Variants in XPOT observed in about 807,000 individuals in gnomAD.
The protein encoded by XPOT is exportin for tRNA.
XPOT carries 34 observed loss-of-function variants against 128.2 expected under a neutral mutation model. The ratio of observed to expected loss-of-function variants is 0.27; its 90% CI spans 0.20 to 0.35. The LOEUF is 0.35. XPOT is among the 10% of genes least tolerant of loss of function. The probability of loss-of-function intolerance (pLI) is 1.00; values close to 1 mark genes in which losing one functional copy is unlikely to be tolerated. For missense variants in XPOT, 838 were observed against 1,125.3 expected, an observed-to-expected ratio of 0.74 and a Z score of 3.65; for synonymous variants, 348 against 394.3, an observed-to-expected ratio of 0.88 and a Z score of 1.39.
intron 8 of XPOT, 50 bp from the exon 9 acceptor site, chr12:64,421,185 T>C (rs2136019836): frequency 7.3e-7 from 1 of 1,364,880 alleles, no homozygotes; most frequent in Non-Finnish European, 1.0e-6. Context: ...GTTTTTCCTC[T>C]TAGCTTGGGC....
intron 3 of XPOT, 145 bp from the exon 4 acceptor site, chr12:64,416,553 C>T: frequency 1.7e-6 from 1 of 590,434 alleles, no homozygotes; most frequent in Admixed American, 3.0e-5. Flanking sequence ...ATTTTAATGT[C>T]ATAAAATGAG....
intron 15 of XPOT, 29 bp from the exon 16 acceptor site, chr12:64,428,022 A>G: frequency 7.0e-7 from 1 of 1,433,484 alleles, no homozygotes; most frequent in Non-Finnish European, 9.8e-7. Flanking sequence ...CACTGTTATT[A>G]ATTGTGATTT....
rs148555752 is a variant in XPOT at position 64,439,381 on chromosome 12, T to A, written c.2805+66T>A. 6.3e-5 allele frequency: 89 copies of A among 1,412,520 alleles called. No homozygotes were observed. The African/African-American group carries it at 1.1e-3, about 17-fold the overall frequency. 87.5% of individuals were successfully genotyped at this position (1,412,520 alleles called of 1,614,324 possible). On this transcript the variant is annotated intron_variant, in intron 23 of 24. Transcript: ENST00000332707. ...AGTAGTAGCAGCATTGCCTGTGACA[T>A]TGTCGCTAGCAGAAATCAAAAATAT...
rs755762527 is a variant in XPOT at position 64,428,034 on chromosome 12, C to T, written c.1668-17C>T. 28 of 1,507,548 alleles carry T rather than the reference C, an allele frequency of 1.9e-5. No individual in the cohort carries two copies. In the Admixed American group the frequency reaches 2.2e-4, roughly 12 times the overall value. 93.4% of individuals were successfully genotyped at this position (1,507,548 alleles called of 1,614,324 possible). On this transcript the variant is annotated splice_polypyrimidine_tract_variant and intron_variant, in intron 15 of 24. Transcript: ENST00000332707. Reference sequence around the variant, plus strand: ...GAGCACTGTTATTAATTGTGATTTCCTTTTTCTGTTTTTCAGTAAGCAAAT... The same window carrying T: ...GAGCACTGTTATTAATTGTGATTTCTTTTTTCTGTTTTTCAGTAAGCAAAT...
chr12:64,433,294 A>T, intron 18 of XPOT, 120 bp from the exon 19 acceptor site: 2 of 921,990 alleles, frequency 2.2e-6, no homozygotes, highest in Non-Finnish European at 3.2e-6. Context: ...GATATTTGCT[A>T]ACTGAATTAT....
chr12:64,424,676 A>G lies in XPOT; in HGVS notation c.1260A>G (p.Pro420=). The change falls in exon 12 of 25, where the codon CCA becomes CCG. Residue 420 remains proline, a synonymous_variant. Coordinates refer to ENST00000332707, the MANE Select transcript of XPOT (RefSeq NM_007235.6). ...TGGACAGGCTTGCTCAAGTTTCACCAGAGTTACTACTGGCCTCTGTTCGCA... is the reference window on the plus strand; with the variant it reads ...TGGACAGGCTTGCTCAAGTTTCACCGGAGTTACTACTGGCCTCTGTTCGCA... ...LLLDRLAQVS[P]ELLLASVRRV... is the part of the protein sequence containing the mutation. 3.1e-6 allele frequency: 5 copies of G among 1,613,216 alleles called. No homozygotes were observed. The highest frequency in any genetic ancestry group is 4.2e-6 in the Non-Finnish European group (5 of 1,179,986).
intron 23 of XPOT, among the ~76,000 whole-genome samples, chr12:64,442,134 T>C (rs2040329951): frequency 6.6e-6 from 1 of 152,060 alleles, no homozygotes; most frequent in African/African-American, 2.4e-5. Flanking sequence ...TCTTTTTCTT[T>C]CTTTTTGAGA....
At chr12:64,440,752 T>A (rs2040318275) in intron 23 of XPOT, among the ~76,000 whole-genome samples, 1 of 152,182 alleles carries the variant, frequency 6.6e-6, no homozygotes, top group African/African-American at 2.4e-5. Flanking sequence ...CCATTTGTAT[T>A]TGGAGAAGTC....
At chr12:64,434,230 G>A (rs1392278098) in intron 19 of XPOT, among the ~76,000 whole-genome samples, 1 of 152,090 alleles carries the variant, frequency 6.6e-6, no homozygotes, top group Non-Finnish European at 1.5e-5. Context: ...AAACTCCTGG[G>A]CTCAAGCAAT....
chr12:64,421,784 A>G (rs780449090), intron 9 of XPOT, among the ~76,000 whole-genome samples: 7 of 152,026 alleles, frequency 4.6e-5, no homozygotes, highest in Non-Finnish European at 1.0e-4. Flanking sequence ...ATTTTAATTT[A>G]CATATACATC....
intron 22 of XPOT, among the ~76,000 whole-genome samples, chr12:64,438,763 G>T (rs2040302603): frequency 6.6e-6 from 1 of 152,084 alleles, no homozygotes; most frequent in African/African-American, 2.4e-5. Flanking sequence ...GAGTAGCTGG[G>T]ATTACAGGCA....
At chr12:64,440,232 CTTT>C (rs1302787809) in intron 23 of XPOT, among the ~76,000 whole-genome samples, 1 of 152,164 alleles carries the variant, frequency 6.6e-6, no homozygotes, top group Non-Finnish European at 1.5e-5. Flanking sequence ...AGTTATCTCT[CTTT>C]TTGTGACTGG....
intron 16 of XPOT, among the ~76,000 whole-genome samples, chr12:64,428,429 A>G (rs2040210799): frequency 6.6e-6 from 1 of 152,204 alleles, no homozygotes; most frequent in Non-Finnish European, 1.5e-5. Flanking sequence ...AAAATTTTAA[A>G]AACCAAAAGA....
In XPOT at chr12:64,424,711, G is replaced by C; in HGVS notation, c.1295G>C (p.Ser432Thr). The C allele has an allele frequency of 6.2e-7, 1 of 1,613,774 alleles. No homozygotes were observed. Among genetic ancestry groups the C allele is most frequent in the Non-Finnish European group, 8.5e-7 (1 of 1,179,980 alleles). Residue 432 changes from serine to threonine, a missense_variant, in exon 12 of 25, where the codon AGT becomes ACT. Coordinates refer to ENST00000332707, the MANE Select transcript of XPOT (RefSeq NM_007235.6). ...CTGGCCTCTGTTCGCAGAGTTTTTA[G>C]TTCTACACTGCAGTAAGTTTGTCAT... is the stretch of plus-strand genomic sequence containing the variant. ...LLLASVRRVF[S>T]STLQNWQTTR...
chr12:64,432,609 T>C (rs1168989507), intron 18 of XPOT, among the ~76,000 whole-genome samples: 1 of 152,178 alleles, frequency 6.6e-6, no homozygotes, highest in Non-Finnish European at 1.5e-5. Context: ...TTGATCTTCA[T>C]ACCTACCCTA....
chr12:64,408,213 G>C (rs992847039), intron 1 of XPOT, among the ~76,000 whole-genome samples: 2 of 152,084 alleles, frequency 1.3e-5, no homozygotes, highest in Admixed American at 6.6e-5. Context: ...GGGTTCAAGC[G>C]ATTCTCCTGC....
At chr12:64,419,868 AG>A (rs530915124) in intron 6 of XPOT, among the ~76,000 whole-genome samples, 124 of 152,356 alleles carry the variant, frequency 8.1e-4, no homozygotes, top group African/African-American at 2.9e-3. Flanking sequence ...GTATTTACTA[AG>A]AAATTAACTC....
At chr12:64,434,757 T>A in intron 20 of XPOT, 37 bp from the exon 21 acceptor site, 1 of 1,596,294 alleles carries the variant, frequency 6.3e-7, no homozygotes. Context: ...TTGACTTACT[T>A]TTATATATAA....
At chr12:64,424,959 G>T in intron 12 of XPOT, 79 bp from the exon 13 acceptor site, 2 of 1,531,634 alleles carry the variant, frequency 1.3e-6, no homozygotes, top group Non-Finnish European at 1.8e-6. Flanking sequence ...AAAGGCTTTT[G>T]TTGGTGTCTT....
Sources: allele counts gnomAD v4.1 joint callset (sites outside exome capture counted in the v4.1 genomes callset), GRCh38; gene constraint gnomAD v4.1.1; transcripts MANE v1.5; gene names NCBI Gene and HGNC (gene_info 2026-07-23, HGNC 2026-07-21).